DLG1: variants seen among roughly 807,000 people sequenced by gnomAD.
DLG1 encodes disks large homolog 1.
DLG1 carries 42 observed loss-of-function variants against 123.4 expected under a neutral mutation model. The observed-to-expected ratio is 0.34, with a 90% CI of 0.27 to 0.44. The LOEUF (loss-of-function observed/expected upper bound fraction) is 0.44, where lower values mean the gene tolerates loss of function less well. DLG1 is among the 20% of genes least tolerant of loss of function. The probability of loss-of-function intolerance (pLI) is 1.00; values close to 1 mark genes in which losing one functional copy is unlikely to be tolerated. For synonymous variants in DLG1, 317 were observed against 356.2 expected (o/e 0.89, Z 1.24); for missense variants, 942 against 1,082.6 (o/e 0.87, Z 1.82).
At chr3:197,054,038 C>G (rs568793254) in intron 23 of DLG1, among the ~76,000 whole-genome samples, 1 of 148,030 alleles carries the variant, frequency 6.8e-6, no homozygotes, top group East Asian at 2.1e-4. Flanking sequence ...CAGCAGTAAC[C>G]TGGGTAAGCA....
chr3:197,137,128 T>C (rs983899284), intron 9 of DLG1, among the ~76,000 whole-genome samples: 1 of 152,212 alleles, frequency 6.6e-6, no homozygotes, highest in Non-Finnish European at 1.5e-5. Flanking sequence ...GAATTAACAA[T>C]TTTAAGTAAG....
Position 197,065,368 on chromosome 3 carries a change from C to T in DLG1, c.2281G>A (p.Asp761Asn), listed in dbSNP as rs752749827. Residue 761 changes from aspartate to asparagine, a missense_variant, in exon 22 of 25, where the codon GAT (aspartate) becomes AAT (asparagine). Coordinates refer to ENST00000667157, the MANE Select transcript of DLG1 (RefSeq NM_001366207.1). ...FVTSREQMEKDIQEHKFIEAG... is the reference protein window; with the variant it reads ...FVTSREQMEKNIQEHKFIEAG... ...TCAATGAATTTATGTTCCTGGATAT[C>T]TTTTTCCATCTGCTCTCTTGAAGTC... The T allele has an allele frequency of 2.7e-5, 44 of 1,612,992 alleles. No homozygotes were observed. In the Admixed American group the frequency reaches 7.2e-4, roughly 26 times the overall value.
chr3:197,108,705 T>C (rs1768047238), intron 13 of DLG1, among the ~76,000 whole-genome samples: 3 of 152,182 alleles, frequency 2.0e-5, no homozygotes, highest in Non-Finnish European at 2.9e-5. Flanking sequence ...GGTTACTTTT[T>C]GTGTAATGCA....
chr3:197,164,319 C>G (rs769607524), intron 5 of DLG1, among the ~76,000 whole-genome samples: 1 of 151,968 alleles, frequency 6.6e-6, no homozygotes, highest in Non-Finnish European at 1.5e-5. Flanking sequence ...ATTGCTAGAG[C>G]CTGGAAGGTG....
At chr3:197,122,030 A>G (rs1776695096) in intron 11 of DLG1, among the ~76,000 whole-genome samples, 1 of 152,020 alleles carries the variant, frequency 6.6e-6, no homozygotes, top group Non-Finnish European at 1.5e-5. Flanking sequence ...GAAACATTAC[A>G]AGACAGAAAA....
chr3:197,056,810 A>C (rs1368365000), intron 23 of DLG1, among the ~76,000 whole-genome samples: 1 of 152,206 alleles, frequency 6.6e-6, no homozygotes, highest in African/African-American at 2.4e-5. Context: ...GGGTGTGCTC[A>C]CTCTAGTCAC....
chr3:197,112,648 G>A (rs543954178), intron 13 of DLG1, among the ~76,000 whole-genome samples: 9 of 151,692 alleles, frequency 5.9e-5, no homozygotes, highest in African/African-American at 2.2e-4. Flanking sequence ...GTGCAGTGGT[G>A]GGATCAAAGC....
intron 22 of DLG1, among the ~76,000 whole-genome samples, chr3:197,060,638 A>G (rs1735126668): frequency 6.6e-6 from 1 of 152,220 alleles, no homozygotes; most frequent in South Asian, 2.1e-4. Flanking sequence ...CTCATAAACT[A>G]GCATATGGGA....
intron 13 of DLG1, among the ~76,000 whole-genome samples, chr3:197,114,990 A>G (rs1004974720): frequency 9.8e-4 from 28 of 28,492 alleles, no homozygotes; most frequent in Admixed American, 6.7e-3. Flanking sequence ...TCTCAAGGAA[A>G]AAAAAAAAAA....
chr3:197,078,123 G>A (rs1748476975), intron 17 of DLG1, among the ~76,000 whole-genome samples: 1 of 143,352 alleles, frequency 7.0e-6, no homozygotes, highest in Non-Finnish European at 1.5e-5. Flanking sequence ...ATCAGCCTAG[G>A]CAACATGGCG....
intron 2 of DLG1, chr3:197,296,760 A>G: frequency 2.6e-6 from 1 of 381,136 alleles, no homozygotes; most frequent in South Asian, 5.4e-5. Flanking sequence ...TAAAAGATCA[A>G]AGTATTAGCA....
chr3:197,071,399 C>T (rs1354082840), intron 18 of DLG1, among the ~76,000 whole-genome samples: 2 of 129,386 alleles, frequency 1.5e-5, no homozygotes, highest in Non-Finnish European at 3.2e-5. Flanking sequence ...AATCTCTTCA[C>T]TGTCTTTTTT....
chr3:197,111,210 G>T (rs1028066179), intron 13 of DLG1, among the ~76,000 whole-genome samples: 1 of 152,150 alleles, frequency 6.6e-6, no homozygotes, highest in African/African-American at 2.4e-5. Context: ...TGGACTAGCT[G>T]AGACTTCCAG....
At chr3:197,254,255 T>A (rs927329117) in intron 4 of DLG1, among the ~76,000 whole-genome samples, 3 of 152,180 alleles carry the variant, frequency 2.0e-5, no homozygotes, top group Non-Finnish European at 4.4e-5. Context: ...TATAAAGCCA[T>A]GAAACATTTC....
chr3:197,047,088 AT>A (rs930413592), intron 24 of DLG1, among the ~76,000 whole-genome samples: 1 of 152,116 alleles, frequency 6.6e-6, no homozygotes, highest in African/African-American at 2.4e-5. Flanking sequence ...CAGAAAAACC[AT>A]TTTTTTCCAT....
chr3:197,117,568 G>C (rs1356070192), intron 12 of DLG1, among the ~76,000 whole-genome samples: 1 of 152,172 alleles, frequency 6.6e-6, no homozygotes, highest in Non-Finnish European at 1.5e-5. Context: ...AAATAGGCCA[G>C]TCACAAAAGG....
At chr3:197,270,951 G>A (rs1304220066) in intron 4 of DLG1, among the ~76,000 whole-genome samples, 1 of 152,166 alleles carries the variant, frequency 6.6e-6, no homozygotes, top group Non-Finnish European at 1.5e-5. Flanking sequence ...AAGAATGTGT[G>A]ATAGTCTATA....
At chr3:197,145,081 G>A (rs1021874706) in intron 6 of DLG1, among the ~76,000 whole-genome samples, 5 of 140,896 alleles carry the variant, frequency 3.5e-5, no homozygotes, top group South Asian at 2.4e-4. Flanking sequence ...ACACACACAC[G>A]TAAAATCTCT....
intron 5 of DLG1, among the ~76,000 whole-genome samples, chr3:197,178,945 C>A (rs536209920): frequency 1.3e-5 from 2 of 152,190 alleles, no homozygotes; most frequent in Admixed American, 1.3e-4. Context: ...AGAGGCAAGA[C>A]AGATGATGCA....
Sources: gnomAD v4.1 joint callset for allele counts (sites outside exome capture counted in the v4.1 genomes callset) on GRCh38, gnomAD v4.1.1 for gene constraint, MANE v1.5 for transcripts, NCBI Gene and HGNC (gene_info 2026-07-23, HGNC 2026-07-21) for gene names.